Variants in SMOC2 observed in about 807,000 individuals in gnomAD.
The protein encoded by SMOC2 is SPARC related modular calcium binding 2.
Under a neutral mutation model 61.4 loss-of-function variants are expected in SMOC2, and 39 were observed. The ratio of observed to expected loss-of-function variants is 0.64; its 90% CI spans 0.49 to 0.83. The LOEUF (loss-of-function observed/expected upper bound fraction) is 0.83, where lower values mean the gene tolerates loss of function less well. SMOC2 is among the 40% of genes least tolerant of loss of function. SMOC2 has a pLI of 0.00. For missense variants in SMOC2, 556 were observed against 592.9 expected, an observed-to-expected ratio of 0.94 and a Z score of 0.65; for synonymous variants, 247 against 239.9, an observed-to-expected ratio of 1.03 and a Z score of -0.27.
rs928022638 is a variant in SMOC2, at chr6:168,458,160, C to T, written c.84+16706C>T. ...TGGTGAGGCTTCAGGGTGTGGGGACCGTTCCCCTGGGGCCATCAACGTACC... is the reference window on the plus strand; with the variant it reads ...TGGTGAGGCTTCAGGGTGTGGGGACTGTTCCCCTGGGGCCATCAACGTACC... On this transcript the variant is annotated intron_variant, in intron 1 of 12. Transcript: ENST00000356284. 3.9e-5 allele frequency among the ~76,000 whole-genome samples: 6 copies of T among 152,202 alleles called. No individual in the cohort carries two copies. The East Asian group carries it at 5.8e-4, about 15-fold the overall frequency.
chr6:168,599,592 C>CACACACATACCCCCACACACCCAG, intron 8 of SMOC2, among the ~76,000 whole-genome samples: 1 of 132,914 alleles, frequency 7.5e-6, no homozygotes. Context: ...CACACACCCA[C>CACACACATACCCCCACACACCCAG]ACATACCCCC....
At chr6:168,548,666 C>T (rs1453801723) in intron 6 of SMOC2, among the ~76,000 whole-genome samples, 1 of 151,992 alleles carries the variant, frequency 6.6e-6, no homozygotes, top group Non-Finnish European at 1.5e-5. Flanking sequence ...CATGCCCGGC[C>T]CATTCAATTT....
intron 7 of SMOC2, among the ~76,000 whole-genome samples, chr6:168,589,214 G>T (rs1785117125): frequency 6.6e-6 from 1 of 152,142 alleles, no homozygotes; most frequent in South Asian, 2.1e-4. Context: ...AGGGTAATGT[G>T]TGGGCATACT....
chr6:168,441,850 T>C (rs9456112), intron 1 of SMOC2, among the ~76,000 whole-genome samples: 44,188 of 151,962 alleles, frequency 0.29, 8,329 homozygotes, highest in African/African-American at 0.52. Flanking sequence ...CCTGAGCCTG[T>C]GGGGAACCAG....
At chr6:168,466,281 T>TG (rs1160205444) in intron 1 of SMOC2, among the ~76,000 whole-genome samples, 1 of 150,420 alleles carries the variant, frequency 6.6e-6, no homozygotes, top group African/African-American at 2.5e-5. Flanking sequence ...GAGCTGGAAC[T>TG]GGGGGGCTCT....
intron 1 of SMOC2, among the ~76,000 whole-genome samples, chr6:168,451,827 T>G (rs1300096176): frequency 6.6e-6 from 1 of 152,248 alleles, no homozygotes; most frequent in African/African-American, 2.4e-5. Context: ...TAGATCTTTC[T>G]TTTCATTTAG....
chr6:168,551,524 G>T (rs1488980678), intron 7 of SMOC2, among the ~76,000 whole-genome samples: 3 of 151,742 alleles, frequency 2.0e-5, no homozygotes, highest in Non-Finnish European at 4.4e-5. Flanking sequence ...CACAATCTTG[G>T]CTCACTGTAA....
At chr6:168,617,470 G>A (rs1562385808) in intron 9 of SMOC2, among the ~76,000 whole-genome samples, 1 of 152,120 alleles carries the variant, frequency 6.6e-6, no homozygotes, top group South Asian at 2.1e-4. Context: ...TGAAGACGGG[G>A]CAGGAAGCTG....
At chr6:168,585,145 C>T (rs1785020385) in intron 7 of SMOC2, among the ~76,000 whole-genome samples, 1 of 152,058 alleles carries the variant, frequency 6.6e-6, no homozygotes, top group African/African-American at 2.4e-5. Context: ...TTTTTGCAGT[C>T]ACGGGGTTTT....
At position 168,441,279 on chromosome 6, in the gene SMOC2, C is replaced by T; in HGVS notation, c.-92C>T. On this transcript the variant is annotated 5_prime_UTR_variant, in exon 1 of 13. Transcript: ENST00000356284. ...ATCGCGGAGCCGCCCCTCCACGCGC[C>T]CGCCCAGCCGCGCTCGCCCACTGGG... 4.3e-6 allele frequency: 6 copies of T among 1,397,988 alleles called. No homozygotes were observed. Among genetic ancestry groups the T allele is most frequent in the Non-Finnish European group, 5.5e-6 (6 of 1,086,952 alleles). 86.6% of individuals were successfully genotyped at this position (1,397,988 alleles called of 1,614,324 possible).
intron 9 of SMOC2, among the ~76,000 whole-genome samples, chr6:168,612,973 C>G (rs1785922233): frequency 6.6e-6 from 1 of 152,188 alleles, no homozygotes; most frequent in Admixed American, 6.5e-5. Context: ...AGGGTTTCCT[C>G]TCACCTTTCC....
At chr6:168,480,642 A>T (rs1334648019) in intron 1 of SMOC2, among the ~76,000 whole-genome samples, 1 of 152,142 alleles carries the variant, frequency 6.6e-6, no homozygotes, top group East Asian at 1.9e-4. Flanking sequence ...CATCAAGTGG[A>T]CCAACATACA....
At chr6:168,636,796 G>A (rs1786733906) in intron 9 of SMOC2, among the ~76,000 whole-genome samples, 1 of 152,016 alleles carries the variant, frequency 6.6e-6, no homozygotes, top group South Asian at 2.1e-4. Context: ...TGTTGCAGCT[G>A]CCCCTGAGGG....
intron 7 of SMOC2, among the ~76,000 whole-genome samples, chr6:168,563,562 A>G (rs1044667115): frequency 4.0e-5 from 6 of 151,598 alleles, no homozygotes; most frequent in Non-Finnish European, 8.8e-5. Flanking sequence ...TGAAATCCTC[A>G]CCCCCAGGGT....
chr6:168,601,344 C>G (rs906466644), intron 8 of SMOC2, among the ~76,000 whole-genome samples: 1 of 152,230 alleles, frequency 6.6e-6, no homozygotes, highest in Non-Finnish European at 1.5e-5. Flanking sequence ...ACCGCCTGCT[C>G]TCGACACCCC....
intron 8 of SMOC2, 45 bp downstream of exon 8, chr6:168,599,049 G>T (rs577250916): frequency 4.6e-6 from 7 of 1,516,904 alleles, no homozygotes; most frequent in Non-Finnish European, 5.3e-6. Context: ...GGGAGGCTTT[G>T]GGGTGTGGAA....
At chr6:168,462,407 G>C (rs566273988) in intron 1 of SMOC2, among the ~76,000 whole-genome samples, 28 of 152,280 alleles carry the variant, frequency 1.8e-4, no homozygotes, top group Admixed American at 7.8e-4. Context: ...CCGGCATCCT[G>C]CTGGGGCTCG....
At chr6:168,629,341 C>A (rs368825712) in intron 9 of SMOC2, among the ~76,000 whole-genome samples, 1 of 152,202 alleles carries the variant, frequency 6.6e-6, no homozygotes, top group Non-Finnish European at 1.5e-5. Context: ...ATAGGGCGGT[C>A]CCCCAGAAAC....
intron 7 of SMOC2, among the ~76,000 whole-genome samples, chr6:168,583,301 C>T (rs1044209686): frequency 1.3e-5 from 2 of 152,032 alleles, no homozygotes; most frequent in African/African-American, 4.8e-5. Context: ...TCGGCCCTGC[C>T]CTGCCTCACT....
Sources: allele counts gnomAD v4.1 joint callset (sites outside exome capture counted in the v4.1 genomes callset), GRCh38; gene constraint gnomAD v4.1.1; transcripts MANE v1.5; gene names NCBI Gene and HGNC (gene_info 2026-07-23, HGNC 2026-07-21).